Variants in STPG2 observed in about 807,000 individuals in gnomAD.
The protein encoded by STPG2 is sperm-tail PG-rich repeat-containing protein 2.
In STPG2, 56 loss-of-function variants were observed where a neutral mutation model predicts 54.2. The ratio of observed to expected loss-of-function variants is 1.03; its 90% CI spans 0.83 to 1.29. The LOEUF (loss-of-function observed/expected upper bound fraction) is 1.29, where lower values mean the gene tolerates loss of function less well. Ranked by LOEUF, STPG2 falls within the 50% of genes most tolerant of loss-of-function variation. STPG2 has a pLI of 0.00. For synonymous variants in STPG2, 200 were observed against 181.8 expected (o/e 1.10, Z -0.81); for missense variants, 596 against 544.9 (o/e 1.09, Z -0.93).
chr4:97,842,772 C>G (rs1003386908), intron 8 of STPG2, among the ~76,000 whole-genome samples: 1 of 151,872 alleles, frequency 6.6e-6, no homozygotes, highest in East Asian at 1.9e-4. Context: ...TTCACTGCCT[C>G]TCTTACCAAT....
chr4:97,779,513 T>C (rs768553773), intron 9 of STPG2, among the ~76,000 whole-genome samples: 2 of 152,080 alleles, frequency 1.3e-5, no homozygotes, highest in Non-Finnish European at 2.9e-5. Context: ...CTCTGCAGGA[T>C]ATTATCCAGG....
chr4:97,829,186 A>G (rs1578600328), intron 9 of STPG2, among the ~76,000 whole-genome samples: 3 of 152,158 alleles, frequency 2.0e-5, no homozygotes, highest in South Asian at 4.1e-4. Flanking sequence ...AACAGGCGGC[A>G]ATATCTTTGC....
intron 9 of STPG2, among the ~76,000 whole-genome samples, chr4:97,752,080 A>T (rs1380604384): frequency 6.6e-6 from 1 of 151,756 alleles, no homozygotes; most frequent in Non-Finnish European, 1.5e-5. Context: ...TGAAGAAATC[A>T]CTTCTTATAC....
chr4:98,114,122 G>C (rs1487906552), intron 3 of STPG2, among the ~76,000 whole-genome samples: 1 of 152,086 alleles, frequency 6.6e-6, no homozygotes, highest in East Asian at 1.9e-4. Context: ...TTAAGGAAGA[G>C]AGAGAACCTA....
Position 97,540,670 on chromosome 4 carries a change from CA to C in STPG2, c.462+172028del, listed in dbSNP as rs570960547. ...AAGCCTGGCAGAGACACAACAAAAA[CA>C]GAGAATTTTAGACCAATATCCTTGA... On this transcript the variant is annotated intron_variant, in intron 4 of 4. Transcript: ENST00000522676. Among the ~76,000 whole-genome samples the C allele has an allele frequency of 5.5e-3, 836 of 152,122 alleles. 7 individuals are homozygous for C. The highest frequency in any genetic ancestry group is 0.02 in the Middle Eastern group (6 of 294).
rs192204585 is a variant in STPG2, at chr4:97,655,588, G to A, written c.1320+57111C>T. On this transcript the variant is annotated intron_variant, in intron 10 of 10. Transcript: ENST00000295268. ...CAAGAAAACATTTCCACTGTTTATC[G>A]AGATCAAAAATGTATAAAACCACTA... 5.3e-5 allele frequency among the ~76,000 whole-genome samples: 8 copies of A among 152,010 alleles called. No homozygotes were observed. The East Asian group carries it at 7.7e-4, about 15-fold the overall frequency.
chr4:97,797,639 C>G (rs1294435518), intron 9 of STPG2, among the ~76,000 whole-genome samples: 1 of 152,150 alleles, frequency 6.6e-6, no homozygotes, highest in Admixed American at 6.5e-5. Flanking sequence ...GGATATTGGT[C>G]TAAAATTCTC....
At chr4:98,033,302 A>G (rs762483799) in intron 5 of STPG2, among the ~76,000 whole-genome samples, 4 of 152,218 alleles carry the variant, frequency 2.6e-5, no homozygotes, top group Non-Finnish European at 4.4e-5. Context: ...AATACAAACT[A>G]ACATCAGATA....
chr4:97,604,794 A>G (rs567461769), intron 10 of STPG2, among the ~76,000 whole-genome samples: 1 of 151,780 alleles, frequency 6.6e-6, no homozygotes, highest in Non-Finnish European at 1.5e-5. Flanking sequence ...TTACATTCTA[A>G]ACCAAACATA....
intron 4 of STPG2, among the ~76,000 whole-genome samples, chr4:97,448,294 G>T (rs1185001760): frequency 6.6e-6 from 1 of 152,140 alleles, no homozygotes. Flanking sequence ...GTAAGTGTTT[G>T]GGGGACTGTT....
chr4:97,924,137 G>C (rs1732242223), intron 8 of STPG2, among the ~76,000 whole-genome samples: 1 of 152,180 alleles, frequency 6.6e-6, no homozygotes, highest in South Asian at 2.1e-4. Context: ...CCTGAGGTCA[G>C]CGAGACCACG....
intron 8 of STPG2, among the ~76,000 whole-genome samples, chr4:97,854,850 C>T (rs1040931253): frequency 4.6e-5 from 7 of 152,112 alleles, no homozygotes; most frequent in South Asian, 4.1e-4. Context: ...CCATCACCTA[C>T]GTATTAAGCC....
chr4:97,897,963 T>A (rs1731025404), intron 8 of STPG2, among the ~76,000 whole-genome samples: 1 of 152,128 alleles, frequency 6.6e-6, no homozygotes, highest in Non-Finnish European at 1.5e-5. Context: ...AGTATCTTTG[T>A]CATGAAATCT....
chr4:98,082,612 C>T (rs984493560), intron 5 of STPG2, among the ~76,000 whole-genome samples: 14 of 151,376 alleles, frequency 9.2e-5, no homozygotes, highest in African/African-American at 2.4e-4. Flanking sequence ...CCACTACACC[C>T]GGATAATTTT....
At chr4:97,689,677 GAA>G (rs1723303341) in intron 10 of STPG2, among the ~76,000 whole-genome samples, 1 of 152,008 alleles carries the variant, frequency 6.6e-6, no homozygotes, top group Admixed American at 6.6e-5. Flanking sequence ...TCTAATTGTA[GAA>G]ATGTTCTAAA....
intron 9 of STPG2, among the ~76,000 whole-genome samples, chr4:97,732,398 C>T (rs1209680086): frequency 6.6e-6 from 1 of 152,176 alleles, no homozygotes; most frequent in African/African-American, 2.4e-5. Flanking sequence ...CATTCGTCTT[C>T]ATATGGCTTG....
chr4:98,015,809 A>C (rs1444346052), intron 5 of STPG2, among the ~76,000 whole-genome samples: 1 of 152,160 alleles, frequency 6.6e-6, no homozygotes, highest in Non-Finnish European at 1.5e-5. Context: ...AACCAACCCA[A>C]ATGTCCATCA....
intron 8 of STPG2, among the ~76,000 whole-genome samples, chr4:97,905,106 C>T (rs62318644): frequency 0.37 from 55,568 of 150,168 alleles, 10,369 homozygotes; most frequent in Middle Eastern, 0.46. Flanking sequence ...GTACAGAGAA[C>T]GCCACAAAGA....
intron 9 of STPG2, among the ~76,000 whole-genome samples, chr4:97,740,335 T>C (rs907238717): frequency 3.0e-4 from 45 of 152,232 alleles, no homozygotes; most frequent in African/African-American, 1.1e-3. Flanking sequence ...ACCACTCCTA[T>C]TCAACATAGT....
Sources: allele counts gnomAD v4.1 joint callset (sites outside exome capture counted in the v4.1 genomes callset), GRCh38; gene constraint gnomAD v4.1.1; transcripts MANE v1.5; gene names NCBI Gene and HGNC (gene_info 2026-07-23, HGNC 2026-07-21).